Variants in CGNL1 observed in about 807,000 individuals in gnomAD.
CGNL1 encodes cingulin-like protein 1.
CGNL1 carries 132 observed loss-of-function variants against 141.2 expected under a neutral mutation model. That is an observed-to-expected ratio of 0.93 (90% confidence interval 0.81 to 1.08). The LOEUF (loss-of-function observed/expected upper bound fraction) is 1.08. Among genes scored for constraint, CGNL1 ranks in the 50% least tolerant of loss-of-function variants. The pLI is 0.00. For missense variants in CGNL1, 1,870 were observed against 1,588.6 expected, an observed-to-expected ratio of 1.18 and a Z score of -3.01; for synonymous variants, 690 against 622.1, an observed-to-expected ratio of 1.11 and a Z score of -1.63.
chr15:57,544,188 G>A (rs930640919), intron 15 of CGNL1, among the ~76,000 whole-genome samples: 8 of 152,236 alleles, frequency 5.3e-5, no homozygotes, highest in African/African-American at 1.9e-4. Context: ...TATAGGGCAA[G>A]GCAAAGCCCG....
At chr15:57,490,633 A>T (rs1338270110) in intron 8 of CGNL1, among the ~76,000 whole-genome samples, 8 of 152,168 alleles carry the variant, frequency 5.3e-5, no homozygotes, top group African/African-American at 1.9e-4. Context: ...AGTTCCAAAT[A>T]ATTTATTTAG....
chr15:57,430,742 T>G (rs1471170945), intron 1 of CGNL1, among the ~76,000 whole-genome samples: 1 of 152,112 alleles, frequency 6.6e-6, no homozygotes, highest in Admixed American at 6.5e-5. Flanking sequence ...TTTTTTGAGA[T>G]GGAGTCTCAC....
chr15:57,517,067 G>A, intron 9 of CGNL1, 81 bp downstream of exon 9: 2 of 1,334,038 alleles, frequency 1.5e-6, no homozygotes, highest in South Asian at 1.3e-5. Context: ...AAGTGGGGAA[G>A]GGATTTATTG....
chr15:57,510,014 G>T (rs747901452), intron 8 of CGNL1, among the ~76,000 whole-genome samples: 2 of 152,146 alleles, frequency 1.3e-5, no homozygotes, highest in African/African-American at 4.8e-5. Context: ...TCTTCTTTGT[G>T]CAGTGTAGTC....
chr15:57,419,261 C>G (rs1280280808), intron 1 of CGNL1, among the ~76,000 whole-genome samples: 1 of 152,146 alleles, frequency 6.6e-6, no homozygotes, highest in African/African-American at 2.4e-5. Flanking sequence ...AAAAAAAACC[C>G]TTTAATTTTA....
chr15:57,526,997 G>A (rs1303244228), intron 12 of CGNL1, among the ~76,000 whole-genome samples: 1 of 152,154 alleles, frequency 6.6e-6, no homozygotes, highest in Non-Finnish European at 1.5e-5. Flanking sequence ...AGCTTTAGAA[G>A]GCTGATTTTA....
intron 1 of CGNL1, chr15:57,398,539 G>A (rs548319661): frequency 9.2e-5 from 14 of 152,350 alleles, no homozygotes; most frequent in Admixed American, 2.6e-4. Flanking sequence ...GCAGTGCTGG[G>A]AAGCACTGTG....
chr15:57,397,008 A>T (rs1389243955), intron 1 of CGNL1: 2 of 152,202 alleles, frequency 1.3e-5, no homozygotes, highest in African/African-American at 4.8e-5. Context: ...GCACTGTTGG[A>T]GCACTGGGAG....
In CGNL1 at chr15:57,413,205, T is replaced by TGC. The variant is rs1312004674; in HGVS notation, c.-15-24780_-15-24779insGC. 5.8e-5 allele frequency among the ~76,000 whole-genome samples: 8 copies of TGC among 137,520 alleles called. No individual in the cohort carries two copies. The Admixed American group carries it at 6.0e-4, about 10-fold the overall frequency. 90.2% of individuals were successfully genotyped at this position (137,520 alleles called of 152,430 possible). Reference sequence around the variant, plus strand: ...TCTTTCTCTCTTTCTCTTTCTCTCTTTCTCTCTTCCTCTCTTCCTCCCTCC... The same window carrying TGC: ...TCTTTCTCTCTTTCTCTTTCTCTCTTGCTCTCTCTTCCTCTCTTCCTCCCTCC... On this transcript the variant is annotated intron_variant, in intron 1 of 18. Transcript: ENST00000281282.
At chr15:57,484,493 A>C (rs2063763473) in intron 8 of CGNL1, among the ~76,000 whole-genome samples, 1 of 152,010 alleles carries the variant, frequency 6.6e-6, no homozygotes, top group Admixed American at 6.5e-5. Flanking sequence ...GTCTTACCAG[A>C]AGTTTGTCAA....
intron 10 of CGNL1, among the ~76,000 whole-genome samples, chr15:57,520,698 A>C (rs577220763): frequency 3.3e-5 from 5 of 152,194 alleles, no homozygotes; most frequent in Admixed American, 3.3e-4. Flanking sequence ...TCAGGAGGGG[A>C]TAACAGTGCA....
At chr15:57,540,216 A>G (rs1344226897) in intron 14 of CGNL1, among the ~76,000 whole-genome samples, 1 of 152,080 alleles carries the variant, frequency 6.6e-6, no homozygotes, top group Non-Finnish European at 1.5e-5. Context: ...TGCCCATTGT[A>G]TTAGCCTGTT....
At chr15:57,412,026 G>T (rs1163320230) in intron 1 of CGNL1, among the ~76,000 whole-genome samples, 3 of 152,212 alleles carry the variant, frequency 2.0e-5, no homozygotes, top group Non-Finnish European at 2.9e-5. Flanking sequence ...GCTTCTTGTT[G>T]TGTGACATTC....
intron 1 of CGNL1, among the ~76,000 whole-genome samples, chr15:57,409,252 C>T (rs1242348217): frequency 6.6e-6 from 1 of 152,172 alleles, no homozygotes; most frequent in Non-Finnish European, 1.5e-5. Context: ...AGAGGGGCGC[C>T]ATGCATTTGG....
chr15:57,383,235 A>G (rs2152216412), intron 1 of CGNL1, among the ~76,000 whole-genome samples: 1 of 152,092 alleles, frequency 6.6e-6, no homozygotes, highest in South Asian at 2.1e-4. Flanking sequence ...AGAGAGAGAA[A>G]ATAGCTTGCA....
chr15:57,453,553 C>A, intron 6 of CGNL1, 130 bp from the exon 7 acceptor site: 1 of 1,197,136 alleles, frequency 8.4e-7, no homozygotes, highest in East Asian at 2.6e-5. Context: ...TTGCTCAGTG[C>A]AGAACAGAGA....
chr15:57,546,997 AG>A (rs1475964582), intron 18 of CGNL1, among the ~76,000 whole-genome samples: 4 of 152,224 alleles, frequency 2.6e-5, no homozygotes, highest in African/African-American at 9.6e-5. Context: ...TCAATAATTA[AG>A]ATAGATAACA....
At chr15:57,496,462 A>G (rs1430606156) in intron 8 of CGNL1, among the ~76,000 whole-genome samples, 1 of 152,090 alleles carries the variant, frequency 6.6e-6, no homozygotes, top group African/African-American at 2.4e-5. Context: ...TGTAGTAACT[A>G]ATGCCTGATG....
chr15:57,420,252 C>T (rs1305042249), intron 1 of CGNL1, among the ~76,000 whole-genome samples: 1 of 152,154 alleles, frequency 6.6e-6, no homozygotes, highest in Non-Finnish European at 1.5e-5. Flanking sequence ...GATCTGGGTG[C>T]TAGGTACTCA....
Sources: gnomAD v4.1 joint callset for allele counts (sites outside exome capture counted in the v4.1 genomes callset) on GRCh38, gnomAD v4.1.1 for gene constraint, MANE v1.5 for transcripts, NCBI Gene and HGNC (gene_info 2026-07-23, HGNC 2026-07-21) for gene names.